The following EYS variants were observed in gnomAD, a reference collection of about 807,000 sequenced individuals.
EYS encodes EGF-like photoreceptor maintenance factor.
Under a neutral mutation model 282.1 loss-of-function variants are expected in EYS, and 250 were observed. The observed-to-expected ratio is 0.89, with a 90% CI of 0.80 to 0.98. The LOEUF is 0.98. EYS is among the 50% of genes least tolerant of loss of function. EYS has a pLI of 0.00. For synonymous variants in EYS, 1,355 were observed against 1,282.9 expected (o/e 1.06, Z -1.20); for missense variants, 4,016 against 3,709.0 (o/e 1.08, Z -2.15).
intron 19 of EYS, among the ~76,000 whole-genome samples, chr6:64,857,889 C>T (rs966037695): frequency 6.6e-6 from 1 of 152,122 alleles, no homozygotes; most frequent in South Asian, 2.1e-4. Context: ...TACCTATCGA[C>T]CATTTGCATG....
intron 29 of EYS, among the ~76,000 whole-genome samples, chr6:64,358,693 G>A (rs182518630): frequency 6.6e-6 from 1 of 151,708 alleles, no homozygotes; most frequent in East Asian, 2.0e-4. Context: ...CATGCAGATA[G>A]GAATAATCTG....
chr6:64,356,996 A>G (rs1771845181), intron 29 of EYS, among the ~76,000 whole-genome samples: 1 of 151,634 alleles, frequency 6.6e-6, no homozygotes. Flanking sequence ...AAATAAAAAT[A>G]TACTTAAAAT....
intron 12 of EYS, among the ~76,000 whole-genome samples, chr6:65,171,863 T>A (rs1765112687): frequency 6.6e-6 from 1 of 151,590 alleles, no homozygotes; most frequent in Non-Finnish European, 1.5e-5. Flanking sequence ...ATATAATTTT[T>A]GTTGTATTTT....
chr6:63,960,638 C>A (rs1461606331), intron 35 of EYS, among the ~76,000 whole-genome samples: 2 of 152,190 alleles, frequency 1.3e-5, no homozygotes, highest in African/African-American at 2.4e-5. Context: ...GCCACTCTAA[C>A]CTTCAGTGAC....
chr6:64,103,994 CAG>C (rs1193794712), intron 31 of EYS, among the ~76,000 whole-genome samples: 12 of 152,004 alleles, frequency 7.9e-5, no homozygotes, highest in Non-Finnish European at 2.9e-5. Flanking sequence ...ATGATTGAGA[CAG>C]AAATGAAAAT....
intron 5 of EYS, among the ~76,000 whole-genome samples, chr6:65,427,525 T>C (rs943168332): frequency 6.6e-6 from 1 of 152,050 alleles, no homozygotes; most frequent in African/African-American, 2.4e-5. Flanking sequence ...AACACATATT[T>C]TAAAAATAAA....
intron 31 of EYS, among the ~76,000 whole-genome samples, chr6:64,152,983 T>C (rs1774791873): frequency 6.6e-6 from 1 of 152,170 alleles, no homozygotes; most frequent in Non-Finnish European, 1.5e-5. Flanking sequence ...TAAAATGTGG[T>C]TGCAAAGCCT....
At chr6:63,889,666 C>A (rs553153965) in intron 35 of EYS, among the ~76,000 whole-genome samples, 1 of 151,764 alleles carries the variant, frequency 6.6e-6, no homozygotes, top group East Asian at 1.9e-4. Context: ...ACAGCAGAAA[C>A]AAACCAAAAT....
At chr6:65,583,222 A>C (rs1406647638) in intron 2 of EYS, among the ~76,000 whole-genome samples, 2 of 152,098 alleles carry the variant, frequency 1.3e-5, no homozygotes. Flanking sequence ...TCCAGATTTT[A>C]AATGAGGGCT....
At chr6:65,399,394 T>C (rs979282185) in intron 7 of EYS, among the ~76,000 whole-genome samples, 1 of 151,976 alleles carries the variant, frequency 6.6e-6, no homozygotes, top group Non-Finnish European at 1.5e-5. Flanking sequence ...ATCATTATTA[T>C]AAACAAATTA....
At chr6:65,155,128 T>A (rs574291892) in intron 12 of EYS, among the ~76,000 whole-genome samples, 1 of 151,682 alleles carries the variant, frequency 6.6e-6, no homozygotes, top group African/African-American at 2.4e-5. Flanking sequence ...TCTTCAGAAT[T>A]ACAGAAGGGT....
chr6:65,210,724 A>G (rs979650867), intron 12 of EYS, among the ~76,000 whole-genome samples: 1 of 152,074 alleles, frequency 6.6e-6, no homozygotes, highest in Non-Finnish European at 1.5e-5. Context: ...TGTAACTGAC[A>G]ATTGCAAAAA....
At chr6:64,307,166 G>T in intron 29 of EYS, 84 bp from the exon 30 acceptor site, 1 of 670,174 alleles carries the variant, frequency 1.5e-6, no homozygotes, top group East Asian at 2.9e-5. Flanking sequence ...ACTGGTCAGG[G>T]TATGCAACTG....
At chr6:64,378,423 T>C (rs969438381) in intron 29 of EYS, among the ~76,000 whole-genome samples, 1 of 152,116 alleles carries the variant, frequency 6.6e-6, no homozygotes, top group Non-Finnish European at 1.5e-5. Context: ...AAATGCTTCA[T>C]AACATGAGCT....
intron 12 of EYS, among the ~76,000 whole-genome samples, chr6:65,227,158 C>CAAA (rs76953241): frequency 0.014 from 1,320 of 92,174 alleles, 21 homozygotes; most frequent in African/African-American, 0.045. Context: ...CAACAACAAC[C>CAAA]AAAAAAAAAA....
intron 2 of EYS, among the ~76,000 whole-genome samples, chr6:65,539,569 T>A (rs1298427925): frequency 6.6e-6 from 1 of 152,186 alleles, no homozygotes; most frequent in African/African-American, 2.4e-5. Context: ...ATCACCATGC[T>A]AATTTAGACA....
intron 12 of EYS, among the ~76,000 whole-genome samples, chr6:65,162,575 C>T (rs957529276): frequency 6.6e-6 from 1 of 151,096 alleles, no homozygotes; most frequent in African/African-American, 2.4e-5. Context: ...TTTCAATTAA[C>T]TAATTCTGAT....
chr6:63,941,642 A>G (rs1343688525), intron 35 of EYS, among the ~76,000 whole-genome samples: 1 of 152,202 alleles, frequency 6.6e-6, no homozygotes, highest in Non-Finnish European at 1.5e-5. Context: ...AATGCCACAA[A>G]GGACACTTAT....
At chr6:64,421,307 G>C (rs1285565002) in intron 28 of EYS, among the ~76,000 whole-genome samples, 1 of 152,008 alleles carries the variant, frequency 6.6e-6, no homozygotes, top group Non-Finnish European at 1.5e-5. Context: ...AAAATAGCTT[G>C]GAAGAAACTG....
Sources: gnomAD v4.1 joint callset for allele counts (sites outside exome capture counted in the v4.1 genomes callset) on GRCh38, gnomAD v4.1.1 for gene constraint, MANE v1.5 for transcripts, NCBI Gene and HGNC (gene_info 2026-07-23, HGNC 2026-07-21) for gene names.